DNAH5: variants seen among roughly 807,000 people sequenced by gnomAD.
The protein encoded by DNAH5 is dynein axonemal heavy chain 5.
Under a neutral mutation model 518.2 loss-of-function variants are expected in DNAH5, and 372 were observed. The observed-to-expected ratio is 0.72, with a 90% CI of 0.66 to 0.78. The LOEUF is 0.78. DNAH5 is among the 30% of genes least tolerant of loss of function. DNAH5 has a pLI of 0.00. For missense variants in DNAH5, 5,523 were observed against 5,687.0 expected, an observed-to-expected ratio of 0.97 and a Z score of 0.93; for synonymous variants, 2,039 against 2,025.9, an observed-to-expected ratio of 1.01 and a Z score of -0.17.
At chr5:13,928,222 T>G in intron 2 of DNAH5, 44 bp from the exon 3 acceptor site, 1 of 1,439,752 alleles carries the variant, frequency 6.9e-7, no homozygotes, top group Non-Finnish European at 9.8e-7. Flanking sequence ...CAATCCAAAT[T>G]AGAAACTGCA....
At chr5:13,821,309 G>A (rs1405322498) in intron 40 of DNAH5, among the ~76,000 whole-genome samples, 1 of 152,276 alleles carries the variant, frequency 6.6e-6, no homozygotes, top group East Asian at 1.9e-4. Flanking sequence ...TAGAAAAATG[G>A]ATAGCATACT....
At chr5:13,848,345 T>C (rs1404461711) in intron 31 of DNAH5, among the ~76,000 whole-genome samples, 5 of 152,210 alleles carry the variant, frequency 3.3e-5, no homozygotes, top group Admixed American at 3.3e-4. Flanking sequence ...CTTAGGTTTA[T>C]GGTGATACTC....
intron 52 of DNAH5, among the ~76,000 whole-genome samples, chr5:13,781,805 AGATG>A (rs1365525502): frequency 6.6e-6 from 1 of 152,134 alleles, no homozygotes; most frequent in Non-Finnish European, 1.5e-5. Context: ...CATATGGTAT[AGATG>A]TTGGAATTTT....
At chr5:13,704,193 G>A (rs1204824772) in intron 76 of DNAH5, among the ~76,000 whole-genome samples, 2 of 152,174 alleles carry the variant, frequency 1.3e-5, no homozygotes, top group East Asian at 1.9e-4. Flanking sequence ...CCACAGCAGC[G>A]GTGGAAAGAC....
chr5:13,759,307 C>T (rs1039557128), intron 60 of DNAH5, among the ~76,000 whole-genome samples: 11 of 152,170 alleles, frequency 7.2e-5, no homozygotes, highest in African/African-American at 2.2e-4. Flanking sequence ...ACATGTAAAA[C>T]CTACTCTTAT....
chr5:13,945,216 C>T (rs1444926529), upstream of DNAH5, among the ~76,000 whole-genome samples: 2 of 152,232 alleles, frequency 1.3e-5, no homozygotes, highest in Non-Finnish European at 2.9e-5. Flanking sequence ...AATGGGAAAA[C>T]ACTGCCAAAT....
intron 71 of DNAH5, 78 bp downstream of exon 71, chr5:13,720,922 T>C (rs979683708): frequency 2.1e-5 from 33 of 1,597,168 alleles, no homozygotes; most frequent in Admixed American, 3.4e-5. Context: ...CCTAATGATT[T>C]ATATTTTTCT....
rs562571895 is a variant in DNAH5 at position 14,001,073 on chromosome 5, T to C, written c.12+10575A>G. Among the ~76,000 whole-genome samples, 128 of 152,228 alleles carry C rather than the reference T, an allele frequency of 8.4e-4. 3 individuals are homozygous for C. Among genetic ancestry groups the C allele is most frequent in the African/African-American group, 2.8e-3 (118 of 41,530 alleles). Reference sequence around the variant, plus strand: ...ACCAAATATTGCATGTTCTCACTTATAAGTAAGAGTTAAACACTGGGTACA... The same window carrying C: ...ACCAAATATTGCATGTTCTCACTTACAAGTAAGAGTTAAACACTGGGTACA... On this transcript the variant is annotated intron_variant, in intron 1 of 78. Transcript: ENST00000681290.
At chr5:13,704,382 T>C (rs1232944393) in intron 76 of DNAH5, among the ~76,000 whole-genome samples, 1 of 152,212 alleles carries the variant, frequency 6.6e-6, no homozygotes, top group Non-Finnish European at 1.5e-5. Flanking sequence ...AGCTGTCTAG[T>C]GTAGTGCTGC....
intron 61 of DNAH5, among the ~76,000 whole-genome samples, chr5:13,758,185 T>G (rs549574629): frequency 6.6e-6 from 1 of 152,268 alleles, no homozygotes; most frequent in East Asian, 1.9e-4. Flanking sequence ...GGCATTTGAC[T>G]TGAATGCTCT....
chr5:13,950,225 GT>G (rs71600037), intron 1 of DNAH5, among the ~76,000 whole-genome samples: 1 of 151,824 alleles, frequency 6.6e-6, no homozygotes, highest in African/African-American at 2.4e-5. Flanking sequence ...CTCCATAAGA[GT>G]TTTTTTTCCT....
chr5:13,987,681 C>A (rs1013642576), intron 1 of DNAH5, among the ~76,000 whole-genome samples: 1 of 151,652 alleles, frequency 6.6e-6, no homozygotes, highest in African/African-American at 2.4e-5. Flanking sequence ...GGTGAAACCC[C>A]GTCTCTACTA....
Position 13,864,490 on chromosome 5 carries a change from G to T in DNAH5, c.4503C>A (p.Thr1501=). The T allele has an allele frequency of 6.2e-7, 1 of 1,614,134 alleles. No homozygotes were observed. Among genetic ancestry groups the T allele is most frequent in the Non-Finnish European group, 8.5e-7 (1 of 1,180,028 alleles). Residue 1501 remains threonine (T), a synonymous_variant, in exon 28 of 79, where the codon ACC becomes ACA. Transcript: ENST00000265104. ...MMERHWERIT[T]LTGHSLDVGN... ...CCACATCCAGACTGTGCCCGGTGAG[G>T]GTGGTTATCCTTTCCCAGTGCCGCT...
chr5:13,700,608 C>A (rs1485661193), intron 78 of DNAH5, 32 bp downstream of exon 78: 1 of 1,573,434 alleles, frequency 6.4e-7, no homozygotes, highest in Non-Finnish European at 8.7e-7. Flanking sequence ...ACGAACAATG[C>A]GAGCCCTTAC....
chr5:13,977,927 G>A (rs183101559), intron 1 of DNAH5, among the ~76,000 whole-genome samples: 256 of 152,204 alleles, frequency 1.7e-3, no homozygotes, highest in Non-Finnish European at 3.1e-3. Context: ...AAAGAGAGGC[G>A]ACTCTCTCGG....
intron 1 of DNAH5, among the ~76,000 whole-genome samples, chr5:13,982,752 C>T (rs911860016): frequency 2.1e-4 from 31 of 151,152 alleles, no homozygotes; most frequent in Non-Finnish European, 2.4e-4. Flanking sequence ...TACTGCATTG[C>T]TTTCATCATC....
In DNAH5 at chr5:13,920,719, A is replaced by G. The variant is rs1580894305; in HGVS notation, c.661-102T>C. On this transcript the variant is annotated intron_variant, in intron 5 of 78. Coordinates refer to ENST00000265104, the MANE Select transcript of DNAH5 (RefSeq NM_001369.3). ...TTGCTGCACTCTGACAGCGCTCTGG[A>G]AAGCCCACCAGGTAGCACATACCTC... 28 of 1,330,296 alleles carry G rather than the reference A, an allele frequency of 2.1e-5. No homozygotes were observed. The East Asian group carries it at 6.7e-4, about 32-fold the overall frequency. The allele number at this position is 1,330,296 out of a possible 1,614,324, so 82.4% of individuals were successfully genotyped here.
chr5:13,732,852 A>ATGATT (rs1466895414), intron 68 of DNAH5, among the ~76,000 whole-genome samples: 1 of 152,194 alleles, frequency 6.6e-6, no homozygotes, highest in Non-Finnish European at 1.5e-5. Flanking sequence ...ATTATGTTAA[A>ATGATT]TGATTTTAAA....
chr5:13,896,851 C>T (rs1011689856), intron 15 of DNAH5: 1 of 152,144 alleles, frequency 6.6e-6, no homozygotes, highest in African/African-American at 2.4e-5. Flanking sequence ...TTATAAGAAA[C>T]TAACTTTAAT....
Sources: gnomAD v4.1 joint callset for allele counts (sites outside exome capture counted in the v4.1 genomes callset) on GRCh38, gnomAD v4.1.1 for gene constraint, MANE v1.5 for transcripts, NCBI Gene and HGNC (gene_info 2026-07-23, HGNC 2026-07-21) for gene names.